The following FGF12 variants were observed in gnomAD, a reference collection of about 807,000 sequenced individuals.
The protein encoded by FGF12 is fibroblast growth factor 12.
FGF12 carries 14 observed loss-of-function variants against 23.6 expected under a neutral mutation model. The ratio of observed to expected loss-of-function variants is 0.59; its 90% CI spans 0.39 to 0.93. The LOEUF (loss-of-function observed/expected upper bound fraction) is 0.93. Among genes scored for constraint, FGF12 ranks in the 40% least tolerant of loss-of-function variants. The pLI is 0.00. For synonymous variants in FGF12, 62 were observed against 77.3 expected, an observed-to-expected ratio of 0.80 and a Z score of 1.04; for missense variants, 175 against 217.8, an observed-to-expected ratio of 0.80 and a Z score of 1.24.
chr3:192,163,850 T>C (rs1335073318), intron 5 of FGF12, among the ~76,000 whole-genome samples: 4 of 152,048 alleles, frequency 2.6e-5, no homozygotes, highest in Non-Finnish European at 5.9e-5. Context: ...TGTGTGTGTG[T>C]GTGTTAGTAC....
chr3:192,524,209 A>G (rs1015060576), intron 2 of FGF12, among the ~76,000 whole-genome samples: 5 of 152,198 alleles, frequency 3.3e-5, no homozygotes, highest in African/African-American at 1.2e-4. Context: ...TTTTGATAGC[A>G]TCAGAATCAA....
At position 192,303,336 on chromosome 3, in the gene FGF12, C is replaced by T. The variant is rs567842159; in HGVS notation, c.228+32025G>A. Among the ~76,000 whole-genome samples the T allele has an allele frequency of 1.6e-4, 24 of 152,242 alleles. No homozygotes were observed. The South Asian group carries it at 4.1e-3, about 26-fold the overall frequency. ...AGGATGTCCTTGCCAGGTTAGGATACGTCCCTTTTCTAGCTAATGTCAACC... is the reference window on the plus strand; with the variant it reads ...AGGATGTCCTTGCCAGGTTAGGATATGTCCCTTTTCTAGCTAATGTCAACC... On this transcript the variant is annotated intron_variant, in intron 4 of 5. Coordinates refer to ENST00000445105, the MANE Select transcript of FGF12 (RefSeq NM_004113.6).
At chr3:192,252,057 A>AT (rs932090055) in intron 4 of FGF12, among the ~76,000 whole-genome samples, 6 of 151,700 alleles carry the variant, frequency 4.0e-5, no homozygotes, top group Admixed American at 6.6e-5. Flanking sequence ...TGCATGCTTA[A>AT]TTTTTTTTTG....
At chr3:192,233,109 G>T (rs1719110343) in intron 4 of FGF12, among the ~76,000 whole-genome samples, 2 of 152,156 alleles carry the variant, frequency 1.3e-5, no homozygotes, top group African/African-American at 4.8e-5. Flanking sequence ...TCTGGTTTAA[G>T]TTCTTTGAGA....
chr3:192,466,345 A>C (rs1723011437), intron 2 of FGF12, among the ~76,000 whole-genome samples: 1 of 152,218 alleles, frequency 6.6e-6, no homozygotes, highest in African/African-American at 2.4e-5. Context: ...AAATCACAGA[A>C]TGTATGCGTG....
intron 2 of FGF12, among the ~76,000 whole-genome samples, chr3:192,372,027 CA>C (rs994304736): frequency 3.9e-4 from 59 of 151,676 alleles, no homozygotes; most frequent in African/African-American, 1.4e-3. Flanking sequence ...CCTCCTGTCA[CA>C]AAAAAAAGTG....
chr3:192,445,038 G>C (rs1722310437), intron 2 of FGF12, among the ~76,000 whole-genome samples: 1 of 152,222 alleles, frequency 6.6e-6, no homozygotes, highest in Non-Finnish European at 1.5e-5. Flanking sequence ...TATCTGGGCA[G>C]TAAATTCCAC....
intron 2 of FGF12, chr3:192,516,522 T>C (rs9832414): frequency 0.79 from 120,315 of 152,174 alleles, 49,477 homozygotes; most frequent in Non-Finnish European, 0.9. Context: ...ACACTTGAAA[T>C]GATGTTTGAA....
chr3:192,561,414 G>C (rs1441760312), intron 2 of FGF12, among the ~76,000 whole-genome samples: 6 of 151,918 alleles, frequency 3.9e-5, no homozygotes, highest in Admixed American at 3.9e-4. Flanking sequence ...CCAGGCTGGA[G>C]TGCAGTGGTG....
chr3:192,329,705 T>G (rs1717008116), intron 4 of FGF12, among the ~76,000 whole-genome samples: 1 of 152,202 alleles, frequency 6.6e-6, no homozygotes, highest in South Asian at 2.1e-4. Context: ...TTACAAGTTT[T>G]GTCAAAAACT....
chr3:192,158,902 C>G (rs968992290), intron 5 of FGF12, among the ~76,000 whole-genome samples: 1 of 151,936 alleles, frequency 6.6e-6, no homozygotes, highest in African/African-American at 2.4e-5. Context: ...GCAGTTCTTA[C>G]CTAAATCTAG....
intron 2 of FGF12, among the ~76,000 whole-genome samples, chr3:192,622,103 C>A (rs558568930): frequency 6.6e-6 from 1 of 152,236 alleles, no homozygotes; most frequent in South Asian, 2.1e-4. Context: ...CAAATAAATA[C>A]GCACAGCATG....
chr3:192,193,923 A>T (rs1648692148), intron 4 of FGF12, among the ~76,000 whole-genome samples: 1 of 152,156 alleles, frequency 6.6e-6, no homozygotes, highest in Non-Finnish European at 1.5e-5. Flanking sequence ...TAGCTTTCTC[A>T]ACTTTTCTTT....
intron 3 of FGF12, among the ~76,000 whole-genome samples, chr3:192,354,815 C>T (rs183318357): frequency 3.2e-4 from 48 of 152,268 alleles, no homozygotes; most frequent in Non-Finnish European, 8.8e-5. Flanking sequence ...AAGCAATTCA[C>T]GTGCCTCAGG....
intron 2 of FGF12, among the ~76,000 whole-genome samples, chr3:192,366,295 T>C (rs904263118): frequency 6.6e-6 from 1 of 152,188 alleles, no homozygotes; most frequent in Non-Finnish European, 1.5e-5. Flanking sequence ...TATATAACCT[T>C]TGATACTAAA....
chr3:192,506,060 C>T (rs1368214046), intron 2 of FGF12, among the ~76,000 whole-genome samples: 10 of 152,156 alleles, frequency 6.6e-5, no homozygotes, highest in African/African-American at 1.9e-4. Flanking sequence ...TACAGTTGGG[C>T]CCAGTGGGTC....
At chr3:192,158,358 C>T (rs1318629276) in intron 5 of FGF12, among the ~76,000 whole-genome samples, 1 of 110,826 alleles carries the variant, frequency 9.0e-6, no homozygotes, top group African/African-American at 3.8e-5. Context: ...TTCTTTCTTT[C>T]TTTCTTTCTT....
At chr3:192,389,592 A>G (rs1197858711) in intron 2 of FGF12, among the ~76,000 whole-genome samples, 1 of 152,248 alleles carries the variant, frequency 6.6e-6, no homozygotes, top group African/African-American at 2.4e-5. Flanking sequence ...ACAAAAATTT[A>G]GATCAACTCA....
chr3:192,720,589 A>T (rs1049203044), intron 2 of FGF12, among the ~76,000 whole-genome samples: 3 of 152,228 alleles, frequency 2.0e-5, no homozygotes, highest in African/African-American at 7.2e-5. Flanking sequence ...ATGGCATGTC[A>T]TCTTAGCCTC....
Sources: allele counts gnomAD v4.1 joint callset (sites outside exome capture counted in the v4.1 genomes callset), GRCh38; gene constraint gnomAD v4.1.1; transcripts MANE v1.5; gene names NCBI Gene and HGNC (gene_info 2026-07-23, HGNC 2026-07-21).